COL24A1: variants seen among roughly 807,000 people sequenced by gnomAD.
COL24A1 encodes the protein collagen alpha-1(XXIV) chain.
A neutral mutation model predicts 253.9 loss-of-function variants in COL24A1; 224 were observed. The observed-to-expected ratio is 0.88, with a 90% CI of 0.79 to 0.99. The LOEUF (loss-of-function observed/expected upper bound fraction) is 0.99. COL24A1 is among the 50% of genes least tolerant of loss of function. The probability of loss-of-function intolerance (pLI) is 0.00; values close to 1 mark genes in which losing one functional copy is unlikely to be tolerated. For missense variants in COL24A1, 2,131 were observed against 2,068.5 expected (o/e 1.03, Z -0.59); for synonymous variants, 685 against 673.7 (o/e 1.02, Z -0.26).
intron 7 of COL24A1, among the ~76,000 whole-genome samples, chr1:86,082,622 T>TATATATTTATATAAATATATAAC (rs71078640): frequency 0.26 from 37,787 of 144,768 alleles, 5,167 homozygotes; most frequent in Middle Eastern, 0.36. Context: ...TAATAATTTG[T>TATATATTTATATAAATATATAAC]ATATATTTAT....
intron 37 of COL24A1, among the ~76,000 whole-genome samples, chr1:85,856,904 A>G (rs1423157170): frequency 6.6e-6 from 1 of 152,098 alleles, no homozygotes; most frequent in Non-Finnish European, 1.5e-5. Flanking sequence ...CTGTCCTGTG[A>G]TAGAGAAGAC....
chr1:85,737,356 T>A (rs760758098), intron 58 of COL24A1, 40 bp downstream of exon 58: 2 of 1,241,146 alleles, frequency 1.6e-6, no homozygotes, highest in South Asian at 2.6e-5. Context: ...ACTGATACTG[T>A]GCAATATAAC....
chr1:85,816,112 A>G (rs773715164), intron 47 of COL24A1, among the ~76,000 whole-genome samples: 8 of 152,194 alleles, frequency 5.3e-5, no homozygotes, highest in Non-Finnish European at 5.9e-5. Context: ...CAAACCTGCC[A>G]AAAGTAGAGG....
At chr1:85,893,793 A>C (rs1683377668) in intron 31 of COL24A1, among the ~76,000 whole-genome samples, 1 of 152,094 alleles carries the variant, frequency 6.6e-6, no homozygotes, top group Non-Finnish European at 1.5e-5. Flanking sequence ...ATTTTTTAAA[A>C]TTCATTTTAA....
At chr1:85,801,491 C>A (rs1671429231) in intron 47 of COL24A1, among the ~76,000 whole-genome samples, 1 of 152,216 alleles carries the variant, frequency 6.6e-6, no homozygotes, top group Non-Finnish European at 1.5e-5. Context: ...ACTATAGCTC[C>A]TGTCAGATGC....
chr1:85,775,572 A>G, intron 53 of COL24A1, 102 bp downstream of exon 53: 1 of 940,100 alleles, frequency 1.1e-6, no homozygotes, highest in South Asian at 1.6e-5. Flanking sequence ...TTCTACAAGT[A>G]TCAGAGACAT....
At chr1:85,929,052 A>T in intron 24 of COL24A1, among the ~76,000 whole-genome samples, 1 of 19,470 alleles carries the variant, frequency 5.1e-5, no homozygotes, top group Admixed American at 8.7e-4. Flanking sequence ...AGCTAACATC[A>T]TAATGACAGG....
chr1:85,933,881 T>TTTAG (rs1688031639), intron 24 of COL24A1, among the ~76,000 whole-genome samples: 3 of 152,202 alleles, frequency 2.0e-5, no homozygotes, highest in African/African-American at 7.2e-5. Context: ...GTATTACTAT[T>TTTAG]TTAGTTGTCT....
chr1:86,050,672 A>C (rs1266749967), intron 10 of COL24A1, among the ~76,000 whole-genome samples: 3 of 152,114 alleles, frequency 2.0e-5, no homozygotes. Context: ...TGTTAATGGT[A>C]ACAATTGGGG....
chr1:85,796,995 T>C (rs1337131458), intron 47 of COL24A1, among the ~76,000 whole-genome samples: 2 of 150,456 alleles, frequency 1.3e-5, no homozygotes, highest in Non-Finnish European at 3.0e-5. Flanking sequence ...GGTCAGGAGA[T>C]CGAGACCATC....
At chr1:86,145,162 C>G (rs1157597118) in intron 2 of COL24A1, among the ~76,000 whole-genome samples, 3 of 152,046 alleles carry the variant, frequency 2.0e-5, no homozygotes, top group Non-Finnish European at 4.4e-5. Context: ...TTTTTGCCCT[C>G]TCTCTACCTT....
Position 85,796,398 on chromosome 1 carries a change from A to T in COL24A1, c.3952-9937T>A, listed in dbSNP as rs147203848. Among the ~76,000 whole-genome samples, 98 of 152,346 alleles carry T rather than the reference A, an allele frequency of 6.4e-4. No individual in the cohort carries two copies. The East Asian group carries it at 0.013, about 21-fold the overall frequency. ...TGAAATCTCCTTTACCCAGGTCTTG[A>T]CATCCAATCACAGGACTAACAGGGA... is the stretch of plus-strand genomic sequence containing the variant. On this transcript the variant is annotated intron_variant, in intron 47 of 59. Transcript: ENST00000370571.
intron 19 of COL24A1, among the ~76,000 whole-genome samples, chr1:85,995,016 G>GCACA (rs1215443953): frequency 6.6e-6 from 1 of 152,064 alleles, no homozygotes; most frequent in African/African-American, 2.4e-5. Flanking sequence ...AGAAAATATA[G>GCACA]CACAGCTCAA....
chr1:85,933,351 G>T (rs1012847708), intron 24 of COL24A1, among the ~76,000 whole-genome samples: 1 of 145,968 alleles, frequency 6.9e-6, no homozygotes, highest in African/African-American at 2.5e-5. Flanking sequence ...TTTTTGCTGT[G>T]TTTCACAGAA....
intron 43 of COL24A1, among the ~76,000 whole-genome samples, chr1:85,826,240 T>C (rs1361278866): frequency 1.1e-4 from 16 of 143,758 alleles, no homozygotes; most frequent in African/African-American, 4.1e-4. Context: ...GTTGTAGATA[T>C]GCGGCATTAT....
chr1:86,142,541 C>A lies in COL24A1; in HGVS notation c.121+3578G>T, dbSNP rs541337603. On this transcript the variant is annotated intron_variant, in intron 2 of 59. Coordinates refer to ENST00000370571, the MANE Select transcript of COL24A1 (RefSeq NM_152890.7). ...CTGCCTCAAAAAAAAAAACAAAAAACAAAAAACAAAAAAAACAATTTAAAC... is the reference window on the plus strand; with the variant it reads ...CTGCCTCAAAAAAAAAAACAAAAAAAAAAAAACAAAAAAAACAATTTAAAC... Among the ~76,000 whole-genome samples the A allele has an allele frequency of 6.5e-3, 934 of 143,628 alleles. 12 individuals are homozygous for A. Among genetic ancestry groups the A allele is most frequent in the East Asian group, 0.043 (197 of 4,606 alleles). The allele number at this position is 143,628 out of a possible 152,430, so 94.2% of individuals were successfully genotyped here.
At chr1:86,131,404 G>T (rs748590074) in intron 2 of COL24A1, among the ~76,000 whole-genome samples, 1 of 151,820 alleles carries the variant, frequency 6.6e-6, no homozygotes, top group Non-Finnish European at 1.5e-5. Context: ...GGGTACATGT[G>T]CACAATGTGC....
Position 85,970,215 on chromosome 1 carries a change from T to G in COL24A1, c.2463+12A>C, listed in dbSNP as rs778379848. ...AAAAGCACTTATGGAAAATTATTTA[T>G]ATGATACCTACTCTTGGCCCCAGTT... On this transcript the variant is annotated intron_variant, in intron 22 of 59. Transcript: ENST00000370571. The G allele has an allele frequency of 6.3e-6, 10 of 1,575,314 alleles. No homozygotes were observed. In the South Asian group the frequency reaches 9.7e-5, roughly 15 times the overall value.
chr1:85,805,109 G>C (rs1051273842), intron 47 of COL24A1, among the ~76,000 whole-genome samples: 35 of 152,096 alleles, frequency 2.3e-4, no homozygotes, highest in Non-Finnish European at 3.2e-4. Context: ...CCAAAGAGCT[G>C]GGGATTACAG....
Sources: allele counts gnomAD v4.1 joint callset (sites outside exome capture counted in the v4.1 genomes callset), GRCh38; gene constraint gnomAD v4.1.1; transcripts MANE v1.5; gene names NCBI Gene and HGNC (gene_info 2026-07-23, HGNC 2026-07-21).